Variants in DNAH7 observed in about 807,000 individuals in gnomAD.
DNAH7 encodes axonemal beta dynein heavy chain 7.
Under a neutral mutation model 444.6 loss-of-function variants are expected in DNAH7, and 397 were observed. That is an observed-to-expected ratio of 0.89 (90% CI 0.82 to 0.97). The LOEUF (loss-of-function observed/expected upper bound fraction) is 0.97, where lower values mean the gene tolerates loss of function less well. Among genes scored for constraint, DNAH7 ranks in the 50% least tolerant of loss-of-function variants. The pLI, the probability that DNAH7 is intolerant of heterozygous loss-of-function variation, is 0.00. For missense variants in DNAH7, 4,902 were observed against 4,800.8 expected (o/e 1.02, Z -0.62); for synonymous variants, 1,636 against 1,624.4 (o/e 1.01, Z -0.17).
At chr2:196,067,349 G>A (rs933212727) in intron 1 of DNAH7, among the ~76,000 whole-genome samples, 3 of 152,092 alleles carry the variant, frequency 2.0e-5, no homozygotes, top group African/African-American at 7.2e-5. Context: ...TATAATAATG[G>A]TGACAGTAAC....
intron 38 of DNAH7, among the ~76,000 whole-genome samples, 187 bp downstream of exon 38, chr2:195,875,488 G>A (rs1343018845): frequency 6.6e-6 from 1 of 152,180 alleles, no homozygotes; most frequent in African/African-American, 2.4e-5. Context: ...TGGGTGCATA[G>A]CCCATCCAAG....
chr2:195,885,550 ATAAGT>A (rs145343881), intron 34 of DNAH7, among the ~76,000 whole-genome samples: 22,509 of 152,118 alleles, frequency 0.15, 1,954 homozygotes, highest in African/African-American at 0.23. Flanking sequence ...TTTAAAACAT[ATAAGT>A]TAAGCAAGTA....
chr2:195,809,749 C>G lies in DNAH7; in HGVS notation c.9884G>C (p.Arg3295Pro). 4 of 1,579,720 alleles carry G rather than the reference C, an allele frequency of 2.5e-6. No homozygotes were observed. The highest frequency in any genetic ancestry group is 3.4e-6 in the Non-Finnish European group (4 of 1,163,976). ...ACAAATGAAAACAGTACTGACCGCC[C>G]GCTCATGCAGCAGTAGATTTATGGT... ...CLTINLLLHE[R>P]AINKAEWRFL... Residue 3295 changes from arginine to proline, a missense_variant, in exon 52 of 65, where the codon CGG becomes CCG. Arg to Pro is a moderately radical substitution (Grantham distance 103). Coordinates refer to ENST00000312428, the MANE Select transcript of DNAH7 (RefSeq NM_018897.3).
intron 9 of DNAH7, among the ~76,000 whole-genome samples, chr2:196,016,499 T>C (rs979361080): frequency 6.6e-6 from 1 of 152,110 alleles, no homozygotes; most frequent in African/African-American, 2.4e-5. Context: ...TACTGTACAA[T>C]GGAAAGGTGG....
Position 195,872,406 on chromosome 2 carries a change from C to A in DNAH7, c.6477G>T (p.Leu2159=), listed in dbSNP as rs1559169030. The change falls in exon 40 of 65, where the codon CTG becomes CTT. Residue 2159 remains leucine (L), a synonymous_variant. Transcript: ENST00000312428. The stretch of plus-strand genomic sequence containing the variant: ...AGAGATTCTTCATTGCTTCTTTATA[C>A]AGAGTCATTGTGCCATTTACGATTT... ...TTQIVNGTMT[L]YKEAMKNLLP... is the part of the protein sequence containing the mutation. The A allele has an allele frequency of 6.2e-7, 1 of 1,613,638 alleles. No homozygotes were observed. Among genetic ancestry groups the A allele is most frequent in the African/African-American group, 1.3e-5 (1 of 74,870 alleles).
In DNAH7 at chr2:195,923,405, A is replaced by T. The variant is rs117614330; in HGVS notation, c.3825+190T>A. Among the ~76,000 whole-genome samples, 127 of 152,360 alleles carry T rather than the reference A, an allele frequency of 8.3e-4. 12 individuals are homozygous for T. The East Asian group carries it at 0.024, about 29-fold the overall frequency. On this transcript the variant is annotated intron_variant, in intron 23 of 64. Transcript: ENST00000312428. ...CTTTTGAATATAGATAAGGATACAG[A>T]TATCAATACAGATGACATAGTTATC... is the stretch of plus-strand genomic sequence containing the variant.
intron 64 of DNAH7, 135 bp from the exon 65 acceptor site, chr2:195,738,262 G>GTGTT: frequency 1.4e-6 from 1 of 717,150 alleles, no homozygotes; most frequent in Non-Finnish European, 2.3e-6. Context: ...TTCACCAGCA[G>GTGTT]TGTTGTTGTG....
At chr2:195,748,595 G>C (rs897676187) in intron 63 of DNAH7, among the ~76,000 whole-genome samples, 6 of 152,138 alleles carry the variant, frequency 3.9e-5, no homozygotes, top group Non-Finnish European at 8.8e-5. Flanking sequence ...ATACTACAAG[G>C]CTACAGTAAC....
intron 12 of DNAH7, chr2:195,998,834 A>C (rs1400253248): frequency 1.1e-5 from 4 of 359,492 alleles, no homozygotes; most frequent in Non-Finnish European, 1.5e-5. Flanking sequence ...AAACACATAA[A>C]TATGCCAGGA....
chr2:195,851,787 C>T (rs895676632), intron 46 of DNAH7, among the ~76,000 whole-genome samples: 1 of 152,174 alleles, frequency 6.6e-6, no homozygotes, highest in African/African-American at 2.4e-5. Flanking sequence ...CCAGTGCAGA[C>T]ACCTAGTGAT....
chr2:195,987,161 AC>A lies in DNAH7; in HGVS notation c.1658del (p.Cys553LeufsTer4), dbSNP rs1370987170. On this transcript the variant is annotated frameshift_variant, in exon 14 of 65. Transcript: ENST00000312428. LOFTEE classifies it high-confidence loss of function. Reference sequence around the variant, plus strand: ...TCACCAAAGCTCTGATTAATTCCTCACAGTGCATTTCAAACATTCCTAAACG... The same window carrying A: ...TCACCAAAGCTCTGATTAATTCCTCAAGTGCATTTCAAACATTCCTAAACG... ...TIRLGMFEMH[C>X]EELIRALVKR... 2 of 1,603,878 alleles carry A rather than the reference AC, an allele frequency of 1.2e-6. No homozygotes were observed. The highest frequency in any genetic ancestry group is 2.7e-5 in the African/African-American group (2 of 74,716).
At chr2:195,785,321 C>G (rs1695566207) in intron 58 of DNAH7, among the ~76,000 whole-genome samples, 1 of 152,136 alleles carries the variant, frequency 6.6e-6, no homozygotes, top group Non-Finnish European at 1.5e-5. Context: ...AACATTTTCT[C>G]TCAGTCTGTC....
At chr2:195,801,761 GT>G (rs1696471465) in intron 54 of DNAH7, among the ~76,000 whole-genome samples, 1 of 152,200 alleles carries the variant, frequency 6.6e-6, no homozygotes, top group Admixed American at 6.5e-5. Flanking sequence ...AGATCTGTAA[GT>G]AAAAATAATT....
Position 195,886,172 on chromosome 2 carries a change from C to A in DNAH7, c.5507G>T (p.Arg1836Ile). ...CAAAGAGTAAGTTTCTCGATCATTT[C>A]TCTCCTTTAGTTTGACTTCATCAGC... ...DFADEVKLKE[R>I]NDRETYSLLE... The change falls in exon 34 of 65, where the codon AGA becomes ATA. Residue 1836 changes from arginine to isoleucine, a missense_variant. Physicochemically the swap from Arg to Ile is moderately conservative, Grantham distance 97 (BLOSUM62 -3). Transcript: ENST00000312428. The A allele has an allele frequency of 6.2e-7, 1 of 1,613,668 alleles. No individual in the cohort carries two copies. Among genetic ancestry groups the A allele is most frequent in the Non-Finnish European group, 8.5e-7 (1 of 1,179,824 alleles).
At position 195,926,545 on chromosome 2, in the gene DNAH7, CA is replaced by C; in HGVS notation, c.3492del (p.Phe1164LeufsTer12). 1 of 1,599,260 alleles carries C rather than the reference CA, an allele frequency of 6.3e-7. No homozygotes were observed. ...TTAATTCGTTCATATTTTGTATAGG[CA>C]AAAGTTGCATCTCCAGTTACCTAAT... Reference protein sequence around the residue: ...SIHKVTGDATFAYTKYERINW... With the variant: ...SIHKVTGDATXAYTKYERINW... On this transcript the variant is annotated frameshift_variant, in exon 22 of 65. Coordinates refer to ENST00000312428, the MANE Select transcript of DNAH7 (RefSeq NM_018897.3). LOFTEE classifies it high-confidence loss of function.
At chr2:195,821,633 G>A (rs578010362) in intron 49 of DNAH7, among the ~76,000 whole-genome samples, 1 of 152,248 alleles carries the variant, frequency 6.6e-6, no homozygotes, top group Middle Eastern at 3.4e-3. Flanking sequence ...TTGTTTGACC[G>A]AAGAGCAGAA....
intron 47 of DNAH7, among the ~76,000 whole-genome samples, chr2:195,839,637 A>G (rs1698564414): frequency 6.6e-6 from 1 of 151,772 alleles, no homozygotes. Context: ...CCAAGAAAAT[A>G]GAAAGAATAC....
chr2:195,908,295 G>A (rs576531495), intron 25 of DNAH7, among the ~76,000 whole-genome samples: 56 of 151,850 alleles, frequency 3.7e-4, no homozygotes, highest in Non-Finnish European at 4.7e-4. Flanking sequence ...AGACTGCATA[G>A]TGACTGAGTC....
chr2:195,979,223 T>C (rs1692400293), intron 15 of DNAH7, among the ~76,000 whole-genome samples: 2 of 152,114 alleles, frequency 1.3e-5, no homozygotes, highest in Admixed American at 1.3e-4. Context: ...ATATATTAGA[T>C]GCCAAAACAA....
Sources: gnomAD v4.1 joint callset for allele counts (sites outside exome capture counted in the v4.1 genomes callset) on GRCh38, gnomAD v4.1.1 for gene constraint, MANE v1.5 for transcripts, NCBI Gene and HGNC (gene_info 2026-07-23, HGNC 2026-07-21) for gene names.